Variants in LOC128462377 observed in about 807,000 individuals in gnomAD.
the LOC128462377 span, chr16:89,317,101 T>A: frequency 7.0e-7 from 1 of 1,438,248 alleles, no homozygotes; most frequent in South Asian, 1.2e-5. Context: ...AGACACACAA[T>A]TCACTGAATT....
chr16:89,370,302 GAGA>G, the LOC128462377 span, among the ~76,000 whole-genome samples: 2 of 152,200 alleles, frequency 1.3e-5, no homozygotes, highest in African/African-American at 4.8e-5. Context: ...CTCTGAGGAT[GAGA>G]AGATGTTTCT....
At chr16:89,378,393 G>A in the LOC128462377 span, among the ~76,000 whole-genome samples, 2 of 152,138 alleles carry the variant, frequency 1.3e-5, no homozygotes, top group African/African-American at 2.4e-5. Flanking sequence ...TTTCATCAAC[G>A]TGTATGTCAA....
chr16:89,351,805 G>C, the LOC128462377 span, among the ~76,000 whole-genome samples: 1 of 152,340 alleles, frequency 6.6e-6, no homozygotes, highest in Non-Finnish European at 1.5e-5. Context: ...CAATGTTCTA[G>C]AACTGACAGT....
the LOC128462377 span, among the ~76,000 whole-genome samples, chr16:89,371,715 C>T: frequency 6.6e-6 from 1 of 151,564 alleles, no homozygotes; most frequent in African/African-American, 2.4e-5. Flanking sequence ...GAGGTGGTCT[C>T]GGGTGTGGAG....
At chr16:89,371,843 G>A in the LOC128462377 span, among the ~76,000 whole-genome samples, 1 of 152,102 alleles carries the variant, frequency 6.6e-6, no homozygotes, top group South Asian at 2.1e-4. Context: ...AGCAAACCGA[G>A]CTCTTCCACA....
chr16:89,339,450 C>T, the LOC128462377 span, among the ~76,000 whole-genome samples: 57 of 151,914 alleles, frequency 3.8e-4, no homozygotes, highest in African/African-American at 1.3e-3. Context: ...GCCCCATGGT[C>T]CGAGGAGCCC....
the LOC128462377 span, among the ~76,000 whole-genome samples, chr16:89,388,204 A>G: frequency 1.3e-5 from 2 of 150,574 alleles, no homozygotes; most frequent in East Asian, 2.0e-4. Flanking sequence ...CAGACTATTC[A>G]CCACCACAAA....
At chr16:89,327,970 T>G in the LOC128462377 span, among the ~76,000 whole-genome samples, 1 of 152,190 alleles carries the variant, frequency 6.6e-6, no homozygotes, top group African/African-American at 2.4e-5. Flanking sequence ...GGGAAAAATA[T>G]CTGCAAATCA....
At chr16:89,401,628 G>A in the LOC128462377 span, among the ~76,000 whole-genome samples, 1 of 152,044 alleles carries the variant, frequency 6.6e-6, no homozygotes, top group Non-Finnish European at 1.5e-5. Flanking sequence ...CCCAAGAATG[G>A]TATGTTGAAG....
At chr16:89,387,740 C>T in the LOC128462377 span, among the ~76,000 whole-genome samples, 493 of 148,288 alleles carry the variant, frequency 3.3e-3, 2 homozygotes, top group African/African-American at 0.011. Context: ...CGGTAGCTTG[C>T]GCCTGTAATC....
chr16:89,377,455 A>T, the LOC128462377 span, among the ~76,000 whole-genome samples: 3 of 149,044 alleles, frequency 2.0e-5, no homozygotes, highest in African/African-American at 7.5e-5. Flanking sequence ...GATCATGAAG[A>T]GACTGCGGAC....
the LOC128462377 span, among the ~76,000 whole-genome samples, chr16:89,358,207 C>T: frequency 1.3e-5 from 2 of 152,222 alleles, no homozygotes; most frequent in Non-Finnish European, 2.9e-5. Flanking sequence ...AGGCCACAGC[C>T]CCCACACCTC....
the LOC128462377 span, among the ~76,000 whole-genome samples, chr16:89,415,099 G>C: frequency 1.3e-5 from 2 of 151,936 alleles, no homozygotes; most frequent in African/African-American, 4.8e-5. Flanking sequence ...ACAGGCGCAT[G>C]CATGCCACCA....
chr16:89,400,927 T>A, the LOC128462377 span, among the ~76,000 whole-genome samples: 1 of 152,214 alleles, frequency 6.6e-6, no homozygotes, highest in Non-Finnish European at 1.5e-5. Context: ...TCTCACAGGC[T>A]CCACCCTGCT....
the LOC128462377 span, among the ~76,000 whole-genome samples, chr16:89,381,153 T>G: frequency 2.0e-5 from 3 of 152,056 alleles, no homozygotes; most frequent in Admixed American, 2.0e-4. Flanking sequence ...CGAAACCCTA[T>G]TTCTACTGAA....
the LOC128462377 span, among the ~76,000 whole-genome samples, chr16:89,389,894 G>T: frequency 7.7e-6 from 1 of 129,154 alleles, no homozygotes; most frequent in African/African-American, 3.1e-5. Context: ...GAGTGTGGCG[G>T]GGAGCACCGA....
chr16:89,350,954 T>G, the LOC128462377 span, among the ~76,000 whole-genome samples: 1 of 152,160 alleles, frequency 6.6e-6, no homozygotes, highest in Non-Finnish European at 1.5e-5. Flanking sequence ...CCATGTAGCT[T>G]AGGTGTGTGG....
At chr16:89,384,438 G>C in the LOC128462377 span, among the ~76,000 whole-genome samples, 2 of 152,136 alleles carry the variant, frequency 1.3e-5, no homozygotes, top group Non-Finnish European at 2.9e-5. Flanking sequence ...GGCTGAGGCA[G>C]AGCAGAACGG....
the LOC128462377 span, among the ~76,000 whole-genome samples, chr16:89,364,483 G>C: frequency 6.0e-4 from 92 of 152,324 alleles, no homozygotes; most frequent in African/African-American, 2.1e-3. Context: ...TTTAACTCCA[G>C]AGCAGAGCCT....
Sources: allele counts gnomAD v4.1 joint callset (sites outside exome capture counted in the v4.1 genomes callset), GRCh38; gene constraint gnomAD v4.1.1; transcripts MANE v1.5.